The following ANKRD46 variants were observed in gnomAD, a reference collection of about 807,000 sequenced individuals.
ANKRD46 encodes the protein ankyrin repeat domain 46.
ANKRD46 carries 13 observed loss-of-function variants against 19.8 expected under a neutral mutation model. The observed-to-expected ratio is 0.66, with a 90% CI of 0.43 to 1.04. ANKRD46 has a LOEUF of 1.04. Ranked by LOEUF, ANKRD46 falls within the 50% of genes least tolerant of loss-of-function variation. The pLI is 0.00. For missense variants in ANKRD46, 185 were observed against 274.8 expected (o/e 0.67, Z 2.31); for synonymous variants, 91 against 106.9 (o/e 0.85, Z 0.92).
At chr8:100,553,316 G>A (rs1812430985) in intron 1 of ANKRD46, among the ~76,000 whole-genome samples, 2 of 152,224 alleles carry the variant, frequency 1.3e-5, no homozygotes, top group Non-Finnish European at 2.9e-5. Flanking sequence ...GGGCAGAGGG[G>A]CAGATTTAAA....
At chr8:100,517,928 C>T (rs1053823868), downstream of ANKRD46, among the ~76,000 whole-genome samples, 2 of 152,210 alleles carry the variant, frequency 1.3e-5, no homozygotes, top group African/African-American at 4.8e-5. Context: ...CAGTGGCTCA[C>T]GCCTGTAATC....
At chr8:100,538,790 T>C (rs1812116701) in intron 1 of ANKRD46, among the ~76,000 whole-genome samples, 1 of 152,138 alleles carries the variant, frequency 6.6e-6, no homozygotes, top group Admixed American at 6.5e-5. Flanking sequence ...AGATATGTGA[T>C]AGTCTGACTC....
At position 100,538,592 on chromosome 8, in the gene ANKRD46, A is replaced by G. The variant is rs1209246523; in HGVS notation, c.-130-5281T>C. 4.8e-4 allele frequency among the ~76,000 whole-genome samples: 73 copies of G among 152,144 alleles called. 1 individual carries two copies. Among genetic ancestry groups the G allele is most frequent in the Non-Finnish European group, 2.9e-5 (2 of 68,026 alleles). On this transcript the variant is annotated intron_variant, in intron 1 of 4. Coordinates refer to ENST00000335659, the MANE Select transcript of ANKRD46 (RefSeq NM_001270377.2). Reference sequence around the variant, plus strand: ...TCCCTCTTCAAACAGGGGTTTGAAGAGGATACTAAGGGAAGAGAAACCCAT... The same window carrying G: ...TCCCTCTTCAAACAGGGGTTTGAAGGGGATACTAAGGGAAGAGAAACCCAT...
chr8:100,517,136 T>C (rs1049246494), downstream of ANKRD46, among the ~76,000 whole-genome samples: 1 of 152,142 alleles, frequency 6.6e-6, no homozygotes, highest in Non-Finnish European at 1.5e-5. Flanking sequence ...AATGAAGAGC[T>C]CAGTAAAAGC....
At chr8:100,549,291 A>G (rs1020471823) in intron 1 of ANKRD46, among the ~76,000 whole-genome samples, 9 of 152,168 alleles carry the variant, frequency 5.9e-5, no homozygotes, top group African/African-American at 2.2e-4. Context: ...AACAAGTTAA[A>G]TGTTCAACAC....
intron 4 of ANKRD46, 43 bp from the exon 5 acceptor site, chr8:100,522,814 G>A (rs1563925526): frequency 6.5e-7 from 1 of 1,541,194 alleles, no homozygotes; most frequent in East Asian, 2.3e-5. Context: ...AAAAAACACA[G>A]CAATTCCAAA....
chr8:100,533,999 G>A (rs774970144), intron 1 of ANKRD46, among the ~76,000 whole-genome samples: 1 of 152,190 alleles, frequency 6.6e-6, no homozygotes, highest in Non-Finnish European at 1.5e-5. Flanking sequence ...TCTCTGGAAG[G>A]ACCGTGGAAG....
At chr8:100,523,841 G>A (rs532399524) in intron 4 of ANKRD46, among the ~76,000 whole-genome samples, 1 of 152,130 alleles carries the variant, frequency 6.6e-6, no homozygotes, top group Admixed American at 6.5e-5. Flanking sequence ...ACAGGGTTTC[G>A]CCATGTTGCC....
Position 100,510,271 on chromosome 8 carries a change from T to G in ANKRD46, c.*306A>C. On this transcript the variant is annotated 3_prime_UTR_variant, in exon 6 of 6. Transcript: ENST00000520552. This position sits in a 1 kb window ranked among gnomAD's most constrained non-coding sequence, Gnocchi z 4.9. ...CGGCAGCCTTTTGTTCAAGATCAAATGGATGTGATTTGCCTTGTGGAGGTG... is the reference window on the plus strand; with the variant it reads ...CGGCAGCCTTTTGTTCAAGATCAAAGGGATGTGATTTGCCTTGTGGAGGTG... 3.1e-6 allele frequency: 1 copy of G among 326,070 alleles called. No homozygotes were observed. The allele number at this position is 326,070 out of a possible 1,614,324, so 20.2% of individuals were successfully genotyped here.
Position 100,529,848 on chromosome 8 carries a change from G to A in ANKRD46, c.-15C>T, listed in dbSNP as rs984543598. On this transcript the variant is annotated 5_prime_UTR_variant, in exon 3 of 5. Transcript: ENST00000335659. This position sits in a 1 kb window ranked among gnomAD's most constrained non-coding sequence, Gnocchi z 5.8. ...ACATACGACATTGTTCTGATGTGGT[G>A]GATGGAACACGCCTGTAATGAAATA... The A allele has an allele frequency of 1.2e-6, 2 of 1,610,042 alleles. No homozygotes were observed. Among genetic ancestry groups the A allele is most frequent in the Admixed American group, 1.7e-5 (1 of 59,902 alleles).
rs564223570 is a variant in ANKRD46, at chr8:100,533,652, A to C, written c.-130-341T>G. Among the ~76,000 whole-genome samples the C allele has an allele frequency of 2.6e-5, 4 of 152,380 alleles. No individual in the cohort carries two copies. The East Asian group carries it at 7.7e-4, about 29-fold the overall frequency. The stretch of plus-strand genomic sequence containing the variant: ...TTGGAATTCAGAATGCATATTTTTC[A>C]CATTATAAATGGAGGCTAGATCCCA... On this transcript the variant is annotated intron_variant, in intron 1 of 4. Transcript: ENST00000335659.
intron 2 of ANKRD46, among the ~76,000 whole-genome samples, chr8:100,530,510 AG>A (rs1172857022): frequency 6.6e-6 from 1 of 151,994 alleles, no homozygotes; most frequent in East Asian, 1.9e-4. Context: ...CAGCCTCCCA[AG>A]TAGCTGGAAT....
chr8:100,518,625 G>A (rs915206854), downstream of ANKRD46, among the ~76,000 whole-genome samples: 16 of 152,184 alleles, frequency 1.1e-4, no homozygotes, highest in African/African-American at 3.1e-4. Context: ...GCCGAGGCGG[G>A]TGGATCACGA....
chr8:100,525,862 A>G lies in ANKRD46; in HGVS notation c.470+1983T>C, dbSNP rs10955230. On this transcript the variant is annotated intron_variant, in intron 4 of 4. Coordinates refer to ENST00000335659, the MANE Select transcript of ANKRD46 (RefSeq NM_001270377.2). This position sits in a 1 kb window ranked among gnomAD's most constrained non-coding sequence, Gnocchi z 4.4. ...TACTTTCCATTCCCATCAGCAGTGT[A>G]TGAGGGTTCCAATTTCTCCACATCC... Among the ~76,000 whole-genome samples the G allele has an allele frequency of 0.29, 44,557 of 152,112 alleles. 7,099 individuals carry two copies. Among genetic ancestry groups the G allele is most frequent in the Middle Eastern group, 0.37 (109 of 294 alleles).
chr8:100,521,787 C>A lies in ANKRD46; in HGVS notation c.*768G>T. ...AACTATTCAGTAGAAAAAGGATTTT[C>A]TGACTGTAATTCTGATGAACTGTTA... On this transcript the variant is annotated 3_prime_UTR_variant, in exon 5 of 5. Transcript: ENST00000335659. 1 of 985,346 alleles carries A rather than the reference C, an allele frequency of 1.0e-6. No individual in the cohort carries two copies. Among genetic ancestry groups the A allele is most frequent in the South Asian group, 4.7e-5 (1 of 21,292 alleles). 61.0% of individuals were successfully genotyped at this position (985,346 alleles called of 1,614,324 possible).
At chr8:100,542,652 C>T (rs1177555563) in intron 1 of ANKRD46, among the ~76,000 whole-genome samples, 1 of 151,980 alleles carries the variant, frequency 6.6e-6, no homozygotes, top group Non-Finnish European at 1.5e-5. Context: ...GTAGGAAGTA[C>T]ATGCTTAGAA....
rs59521764 is a variant in ANKRD46 at position 100,555,722 on chromosome 8, T to TAAAAAAAAAAAAAAAAAAAAAA, written c.-131+3967_-131+3988dup. ...GCACCAACTTAATATTTTCCTCAGCTAAAAAAAAAAAAAAAAAAAAAAAAA... is the reference window on the plus strand; with the variant it reads ...GCACCAACTTAATATTTTCCTCAGCTAAAAAAAAAAAAAAAAAAAAAAAAAAAAAAAAAAAAAAAAAAAAAAA... On this transcript the variant is annotated intron_variant, in intron 1 of 4. Coordinates refer to ENST00000335659, the MANE Select transcript of ANKRD46 (RefSeq NM_001270377.2). 1.1e-4 allele frequency among the ~76,000 whole-genome samples: 6 copies of TAAAAAAAAAAAAAAAAAAAAAA among 53,306 alleles called. 1 individual carries two copies. Among genetic ancestry groups the TAAAAAAAAAAAAAAAAAAAAAA allele is most frequent in the Admixed American group, 5.4e-4 (2 of 3,734 alleles). 35.0% of individuals were successfully genotyped at this position (53,306 alleles called of 152,430 possible). A position where few individuals can be genotyped will look rare whatever the true frequency, so the allele number is the denominator to read the frequency against.
At chr8:100,518,261 A>G (rs748293884), downstream of ANKRD46, among the ~76,000 whole-genome samples, 7 of 152,350 alleles carry the variant, frequency 4.6e-5, no homozygotes, top group Non-Finnish European at 8.8e-5. Flanking sequence ...GTCAAAATCA[A>G]TAAAATGATT....
At chr8:100,554,453 C>T (rs1384172880) in intron 1 of ANKRD46, 1 of 152,198 alleles carries the variant, frequency 6.6e-6, no homozygotes, top group African/African-American at 2.4e-5. Flanking sequence ...TGCAGTGACT[C>T]ACACCTATAG....
Sources: allele counts gnomAD v4.1 joint callset (sites outside exome capture counted in the v4.1 genomes callset), GRCh38; gene constraint gnomAD v4.1.1; non-coding constraint Gnocchi (gnomAD v3.1); transcripts MANE v1.5; gene names NCBI Gene and HGNC (gene_info 2026-07-23, HGNC 2026-07-21).